ZCWPW2: variants seen among roughly 807,000 people sequenced by gnomAD.
ZCWPW2 encodes the protein zinc finger CW-type and PWWP domain containing 2, also known as zinc finger CW-type PWWP domain protein 2.
ZCWPW2 carries 45 observed loss-of-function variants against 46.6 expected under a neutral mutation model. The ratio of observed to expected loss-of-function variants is 0.96; its 90% CI spans 0.76 to 1.24. The LOEUF is 1.24. Ranked by LOEUF, ZCWPW2 falls within the 50% of genes most tolerant of loss-of-function variation. The probability of loss-of-function intolerance (pLI) is 0.00; values close to 1 mark genes in which losing one functional copy is unlikely to be tolerated. For missense variants in ZCWPW2, 429 were observed against 403.9 expected, an observed-to-expected ratio of 1.06 and a Z score of -0.53; for synonymous variants, 152 against 137.1, an observed-to-expected ratio of 1.11 and a Z score of -0.76.
rs1034502181 is a variant in ZCWPW2 at position 28,525,375 on chromosome 3, T to C, written c.*687T>C. 2.6e-5 allele frequency among the ~76,000 whole-genome samples: 4 copies of C among 152,142 alleles called. No homozygotes were observed. The highest frequency in any genetic ancestry group is 4.4e-5 in the Non-Finnish European group (3 of 68,012). ...AGTGTATAGAGAGAAGTTAAACATATTGATTATAAGAAATCTAACAATATA... is the reference window on the plus strand; with the variant it reads ...AGTGTATAGAGAGAAGTTAAACATACTGATTATAAGAAATCTAACAATATA... On this transcript the variant is annotated 3_prime_UTR_variant, in exon 10 of 10. Coordinates refer to ENST00000383768, the MANE Select transcript of ZCWPW2 (RefSeq NM_001040432.4).
intron 4 of ZCWPW2, among the ~76,000 whole-genome samples, chr3:28,438,291 T>C (rs1284985692): frequency 6.6e-6 from 1 of 152,212 alleles, no homozygotes; most frequent in African/African-American, 2.4e-5. Flanking sequence ...TTCCAGGAGA[T>C]TGAAAGGGCT....
intron 4 of ZCWPW2, among the ~76,000 whole-genome samples, chr3:28,470,510 A>AAAAAG (rs1559518002): frequency 7.0e-6 from 1 of 142,516 alleles, no homozygotes; most frequent in Non-Finnish European, 1.5e-5. Context: ...AAAAAAAAAA[A>AAAAAG]AAGGAAGGAA....
intron 4 of ZCWPW2, among the ~76,000 whole-genome samples, chr3:28,456,921 C>T (rs1018020126): frequency 6.6e-6 from 1 of 152,004 alleles, no homozygotes; most frequent in Non-Finnish European, 1.5e-5. Context: ...AGGATATTGG[C>T]CTGAAGTTTT....
In ZCWPW2 at chr3:28,381,000, GTATA is replaced by G. The variant is rs376030289; in HGVS notation, c.-133-9480_-133-9477del. Among the ~76,000 whole-genome samples, 23 of 4,550 alleles carry G rather than the reference GTATA, an allele frequency of 5.1e-3. 7 individuals are homozygous for G. Among genetic ancestry groups the G allele is most frequent in the African/African-American group, 0.016 (15 of 910 alleles). The allele number at this position is 4,550 out of a possible 152,430, so 3.0% of individuals were successfully genotyped here. ...GTATATATATATATATATATATTTG[GTATA>G]TATATATATATATATATTTGGTATA... On this transcript the variant is annotated intron_variant, in intron 1 of 9. Transcript: ENST00000383768.
intron 2 of ZCWPW2, among the ~76,000 whole-genome samples, chr3:28,404,385 C>T (rs1037975731): frequency 5.9e-5 from 9 of 152,060 alleles, no homozygotes; most frequent in African/African-American, 2.2e-4. Context: ...CAGATGTTGG[C>T]ATGGATGCGG....
At chr3:28,457,764 T>A (rs1326492644) in intron 4 of ZCWPW2, among the ~76,000 whole-genome samples, 1 of 152,198 alleles carries the variant, frequency 6.6e-6, no homozygotes, top group Non-Finnish European at 1.5e-5. Context: ...GCTACAGACC[T>A]GATGAATTTC....
At chr3:28,382,901 G>A (rs557420557) in intron 1 of ZCWPW2, among the ~76,000 whole-genome samples, 74 of 152,228 alleles carry the variant, frequency 4.9e-4, no homozygotes, top group African/African-American at 1.7e-3. Context: ...ACGATGACGG[G>A]CTATACTTGT....
At chr3:28,452,068 T>C (rs1483698375) in intron 4 of ZCWPW2, among the ~76,000 whole-genome samples, 2 of 152,194 alleles carry the variant, frequency 1.3e-5, no homozygotes, top group African/African-American at 4.8e-5. Flanking sequence ...ACTCTATAAC[T>C]GTGACATATT....
chr3:28,506,128 T>A (rs112880502), intron 6 of ZCWPW2, among the ~76,000 whole-genome samples: 5 of 147,644 alleles, frequency 3.4e-5, no homozygotes, highest in Non-Finnish European at 7.4e-5. Flanking sequence ...AAATATATAT[T>A]TTTAATATAT....
At chr3:28,421,892 C>A (rs907896130) in intron 3 of ZCWPW2, among the ~76,000 whole-genome samples, 4 of 140,668 alleles carry the variant, frequency 2.8e-5, no homozygotes, top group Non-Finnish European at 6.2e-5. Flanking sequence ...CTTCTTTTCA[C>A]CTAATTCAAA....
intron 4 of ZCWPW2, among the ~76,000 whole-genome samples, chr3:28,445,036 G>A (rs554598910): frequency 2.6e-5 from 4 of 151,822 alleles, no homozygotes; most frequent in African/African-American, 7.3e-5. Context: ...GCCAACTCCA[G>A]AAACCCCCAA....
chr3:28,435,998 C>T (rs1007114475), intron 4 of ZCWPW2, among the ~76,000 whole-genome samples: 1 of 152,094 alleles, frequency 6.6e-6, no homozygotes, highest in African/African-American at 2.4e-5. Context: ...TTTATACTAA[C>T]TCCTTCAGTA....
intron 2 of ZCWPW2, among the ~76,000 whole-genome samples, chr3:28,397,451 T>C (rs1695746625): frequency 6.6e-6 from 1 of 151,974 alleles, no homozygotes; most frequent in South Asian, 2.1e-4. Context: ...AGGTGGATCA[T>C]TTGAGGTCAG....
chr3:28,467,419 A>G (rs1247005500), intron 4 of ZCWPW2, among the ~76,000 whole-genome samples: 7 of 152,100 alleles, frequency 4.6e-5, no homozygotes, highest in Non-Finnish European at 1.0e-4. Flanking sequence ...TCATCATTCC[A>G]TATAAAAGAA....
chr3:28,430,605 G>A (rs1282681748), intron 3 of ZCWPW2, among the ~76,000 whole-genome samples: 1 of 152,114 alleles, frequency 6.6e-6, no homozygotes, highest in African/African-American at 2.4e-5. Flanking sequence ...GCCCGTGGCA[G>A]AATGATATGG....
In ZCWPW2 at chr3:28,411,912, G is replaced by A. The variant is rs967365459; in HGVS notation, c.-13-1144G>A. 2.0e-5 allele frequency among the ~76,000 whole-genome samples: 3 copies of A among 151,998 alleles called. 1 individual carries two copies. Among genetic ancestry groups the A allele is most frequent in the East Asian group, 3.8e-4 (2 of 5,198 alleles). On this transcript the variant is annotated intron_variant, in intron 2 of 9. Coordinates refer to ENST00000383768, the MANE Select transcript of ZCWPW2 (RefSeq NM_001040432.4). ...AATGTTTTTGGTCTTGCTATGTATT[G>A]GTTGGTCTTTTTAAAATTTATTTTA...
intron 4 of ZCWPW2, among the ~76,000 whole-genome samples, chr3:28,453,301 C>T (rs948425255): frequency 6.6e-6 from 1 of 152,146 alleles, no homozygotes; most frequent in East Asian, 1.9e-4. Flanking sequence ...TTGAATTCAC[C>T]TCTATCATCT....
chr3:28,442,427 T>C (rs1053151653), intron 4 of ZCWPW2, among the ~76,000 whole-genome samples: 2 of 151,634 alleles, frequency 1.3e-5, no homozygotes, highest in African/African-American at 4.8e-5. Flanking sequence ...GCTCACTGGA[T>C]CCAGTCAGCA....
intron 4 of ZCWPW2, among the ~76,000 whole-genome samples, chr3:28,474,754 T>G (rs998486017): frequency 6.6e-6 from 1 of 152,192 alleles, no homozygotes; most frequent in Non-Finnish European, 1.5e-5. Flanking sequence ...GATGTCATAA[T>G]TATCTTCCTC....
Sources: allele counts gnomAD v4.1 joint callset (sites outside exome capture counted in the v4.1 genomes callset), GRCh38; gene constraint gnomAD v4.1.1; transcripts MANE v1.5; gene names NCBI Gene and HGNC (gene_info 2026-07-23, HGNC 2026-07-21).